Variants in MED12L observed in about 807,000 individuals in gnomAD.
MED12L encodes mediator complex subunit 12L, also known as mediator of RNA polymerase II transcription subunit 12-like protein.
Under a neutral mutation model 281.3 loss-of-function variants are expected in MED12L, and 60 were observed. The observed-to-expected ratio is 0.21, with a 90% CI of 0.17 to 0.26. The LOEUF is 0.26. MED12L is among the 10% of genes least tolerant of loss of function. MED12L has a pLI of 1.00. For missense variants in MED12L, 2,146 were observed against 2,680.9 expected (o/e 0.80, Z 4.41); for synonymous variants, 974 against 987.2 (o/e 0.99, Z 0.25).
intron 37 of MED12L, among the ~76,000 whole-genome samples, chr3:151,389,753 C>T (rs769385693): frequency 6.6e-5 from 10 of 152,174 alleles, no homozygotes; most frequent in Non-Finnish European, 1.2e-4. Flanking sequence ...CCTTTTCCAT[C>T]TCTGCCCACT....
At chr3:151,232,820 A>G (rs944281260) in intron 16 of MED12L, among the ~76,000 whole-genome samples, 4 of 152,320 alleles carry the variant, frequency 2.6e-5, no homozygotes, top group Middle Eastern at 3.4e-3. Context: ...GAGCAGAAAG[A>G]TAACTATTGG....
intron 16 of MED12L, chr3:151,337,515 T>G: frequency 3.2e-6 from 1 of 308,366 alleles, no homozygotes; most frequent in Non-Finnish European, 6.0e-6. Context: ...AAATATTATA[T>G]GATTACTCAT....
intron 11 of MED12L, 130 bp from the exon 12 acceptor site, chr3:151,185,200 T>C: frequency 1.2e-6 from 1 of 839,578 alleles, no homozygotes; most frequent in Non-Finnish European, 1.8e-6. Flanking sequence ...TGGAAGCGCT[T>C]TCTAAAGCTA....
chr3:151,199,046 A>G, intron 16 of MED12L: 1 of 1,614,152 alleles, frequency 6.2e-7, no homozygotes, highest in Non-Finnish European at 8.5e-7. Flanking sequence ...TGTCAGCTGA[A>G]GACAGCGGTC....
intron 16 of MED12L, among the ~76,000 whole-genome samples, chr3:151,318,239 G>T (rs186827813): frequency 6.6e-6 from 1 of 151,742 alleles, no homozygotes; most frequent in African/African-American, 2.4e-5. Context: ...ACTTAATAAT[G>T]GCCTAATCTT....
intron 27 of MED12L, among the ~76,000 whole-genome samples, chr3:151,373,446 A>G (rs915272148): frequency 2.6e-5 from 4 of 152,030 alleles, no homozygotes; most frequent in African/African-American, 9.7e-5. Context: ...CTTTGAGGAG[A>G]TACTTCGAGA....
At chr3:151,409,427 G>C (rs940395488) in intron 40 of MED12L, 95 bp downstream of exon 40, 3 of 1,056,194 alleles carry the variant, frequency 2.8e-6, no homozygotes, top group African/African-American at 1.6e-5. Context: ...ACTCCCTATA[G>C]GGTCTAGAAC....
At chr3:151,143,509 G>A (rs1250133657) in intron 5 of MED12L, among the ~76,000 whole-genome samples, 3 of 152,230 alleles carry the variant, frequency 2.0e-5, no homozygotes, top group Non-Finnish European at 4.4e-5. Context: ...GGTGAGGGTC[G>A]TGAAATGTCT....
chr3:151,200,500 C>G (rs926418099), intron 16 of MED12L, among the ~76,000 whole-genome samples: 1 of 152,152 alleles, frequency 6.6e-6, no homozygotes, highest in Non-Finnish European at 1.5e-5. Flanking sequence ...ACATTGAAGG[C>G]CAGATCAGCT....
intron 8 of MED12L, 135 bp from the exon 9 acceptor site, chr3:151,163,758 A>C: frequency 1.2e-6 from 1 of 817,170 alleles, no homozygotes; most frequent in Non-Finnish European, 1.8e-6. Context: ...AGAATGGGGT[A>C]AGACACTCTC....
At chr3:151,347,989 C>T (rs907023497) in intron 16 of MED12L, among the ~76,000 whole-genome samples, 1 of 152,240 alleles carries the variant, frequency 6.6e-6, no homozygotes, top group Admixed American at 6.5e-5. Flanking sequence ...GAGCACGTGG[C>T]TCTTTCTAGG....
chr3:151,141,551 C>T (rs1446162698), intron 5 of MED12L, among the ~76,000 whole-genome samples: 1 of 152,028 alleles, frequency 6.6e-6, no homozygotes, highest in Non-Finnish European at 1.5e-5. Flanking sequence ...TATCTAATTA[C>T]CTGTAATCAT....
intron 16 of MED12L, among the ~76,000 whole-genome samples, chr3:151,235,975 G>GT (rs1230654777): frequency 6.6e-6 from 1 of 151,966 alleles, no homozygotes; most frequent in Non-Finnish European, 1.5e-5. Context: ...AGTAATTGTG[G>GT]TTTTTGTGAT....
intron 16 of MED12L, among the ~76,000 whole-genome samples, chr3:151,267,193 A>G (rs1740007153): frequency 6.6e-6 from 1 of 152,220 alleles, no homozygotes; most frequent in Admixed American, 6.5e-5. Context: ...TTATGACAGT[A>G]TTCCTTACTG....
chr3:151,367,736 C>G lies in MED12L; in HGVS notation c.3418C>G (p.His1140Asp). ...QCFSLEDVVQ[H>D]VALPSLLAAA... ...TTTTTCCCTGGAGGACGTCGTGCAG[C>G]ATGTCGCACTTCCCTCTCTTCTAGC... The change falls in exon 24 of 45, where the codon CAT becomes GAT. Residue 1140 changes from histidine (H) to aspartate (D), a missense_variant. His to Asp is a moderately conservative substitution (Grantham distance 81). Around this residue, in one of 9 missense-constraint regions of MED12L, gnomAD observed 404 missense variants for 603.5 expected, o/e 0.67. Coordinates refer to ENST00000687756, the MANE Select transcript of MED12L (RefSeq NM_001393769.1). 4 of 1,611,140 alleles carry G rather than the reference C, an allele frequency of 2.5e-6. No homozygotes were observed. The highest frequency in any genetic ancestry group is 3.4e-6 in the Non-Finnish European group (4 of 1,177,994).
At chr3:151,274,817 C>T (rs1741578276) in intron 16 of MED12L, among the ~76,000 whole-genome samples, 1 of 152,152 alleles carries the variant, frequency 6.6e-6, no homozygotes, top group South Asian at 2.1e-4. Flanking sequence ...GAATGTAAGC[C>T]ACCAGAGGCC....
At chr3:151,301,737 AAGAC>A (rs1036230964) in intron 16 of MED12L, among the ~76,000 whole-genome samples, 12 of 152,208 alleles carry the variant, frequency 7.9e-5, no homozygotes, top group Admixed American at 2.6e-4. Flanking sequence ...GTATCTGAAA[AAGAC>A]AGACAGTAAC....
At chr3:151,106,320 T>A (rs1430902590) in intron 2 of MED12L, among the ~76,000 whole-genome samples, 1 of 43,832 alleles carries the variant, frequency 2.3e-5, no homozygotes. Context: ...TCCCCTCCCC[T>A]CCCCTCCCCT....
intron 16 of MED12L, among the ~76,000 whole-genome samples, chr3:151,250,311 AT>A (rs150629712): frequency 6.6e-6 from 1 of 152,124 alleles, no homozygotes; most frequent in Non-Finnish European, 1.5e-5. Context: ...CACCTTAACT[AT>A]TTTTAAGTGT....
Sources: gnomAD v4.1 joint callset for allele counts (sites outside exome capture counted in the v4.1 genomes callset) on GRCh38, gnomAD v4.1.1 for gene constraint, gnomAD v4.1.1 regional missense constraint, MANE v1.5 for transcripts, NCBI Gene and HGNC (gene_info 2026-07-23, HGNC 2026-07-21) for gene names.